The following SEMA6A variants were observed in gnomAD, a reference collection of about 807,000 sequenced individuals.
The protein encoded by SEMA6A is semaphorin 6A, also known as semaphorin-6A.
SEMA6A carries 25 observed loss-of-function variants against 96.8 expected under a neutral mutation model. The observed-to-expected ratio is 0.26, with a 90% CI of 0.19 to 0.36. The LOEUF (loss-of-function observed/expected upper bound fraction) is 0.36, where lower values mean the gene tolerates loss of function less well. Ranked by LOEUF, SEMA6A falls within the 10% of genes least tolerant of loss-of-function variation. The pLI is 1.00. For synonymous variants in SEMA6A, 612 were observed against 518.0 expected (o/e 1.18, Z -2.46); for missense variants, 1,363 against 1,323.1 (o/e 1.03, Z -0.47).
At position 116,562,554 on chromosome 5, in the gene SEMA6A, G is replaced by A. The variant is rs115619618; in HGVS notation, c.-39+11631C>T. On this transcript the variant is annotated intron_variant, in intron 1 of 18. Coordinates refer to ENST00000343348, the MANE Select transcript of SEMA6A (RefSeq NM_020796.5). ...TTCCGGTGTGGAGTCTGGAGACAAC[G>A]TGCAGAAATGGCACCTCGAAAGGGG... 5.5e-3 allele frequency: 3,177 copies of A among 579,052 alleles called. 75 individuals are homozygous for A. The highest frequency in any genetic ancestry group is 0.049 in the African/African-American group (2,597 of 53,072). 35.9% of individuals were successfully genotyped at this position (579,052 alleles called of 1,614,324 possible). A position where few individuals can be genotyped will look rare whatever the true frequency, so the allele number is the denominator to read the frequency against.
chr5:116,451,026 T>C (rs1279928093), intron 18 of SEMA6A, among the ~76,000 whole-genome samples: 1 of 152,164 alleles, frequency 6.6e-6, no homozygotes, highest in Non-Finnish European at 1.5e-5. Context: ...GTAGTGGTGA[T>C]AAAAGCAGCT....
At chr5:116,480,497 C>A (rs1425299696) in intron 11 of SEMA6A, among the ~76,000 whole-genome samples, 2 of 152,196 alleles carry the variant, frequency 1.3e-5, no homozygotes, top group Admixed American at 6.5e-5. Context: ...CACAGTTCAG[C>A]CTCAGCTGGG....
At chr5:116,516,156 A>G (rs1758657831) in intron 1 of SEMA6A, among the ~76,000 whole-genome samples, 3 of 152,134 alleles carry the variant, frequency 2.0e-5, no homozygotes, top group South Asian at 2.1e-4. Context: ...TAGAGTTTCT[A>G]TTTGATTACA....
Position 116,447,121 on chromosome 5 carries a change from T to C in SEMA6A, c.2585A>G (p.Lys862Arg), listed in dbSNP as rs887372093. The stretch of plus-strand genomic sequence containing the variant: ...AAGGTTCACCCCATGGTTGGGACTC[T>C]TGCTGCTGAGATGTTCCTTGATGGT... ...YKTIKEHLSS[K>R]SPNHGVNLVE... The change falls in exon 19 of 19, where the codon AAG (lysine) becomes AGG (arginine). Residue 862 changes from lysine (K) to arginine (R), a missense_variant. By Grantham distance (26) the Lys-to-Arg change is conservative (BLOSUM62 2). This residue lies in a region of SEMA6A where 883 missense variants were observed against 763.6 expected (regional missense o/e 1.16). Transcript: ENST00000343348. 6.8e-6 allele frequency: 11 copies of C among 1,613,872 alleles called. No homozygotes were observed. The highest frequency in any genetic ancestry group is 8.5e-6 in the Non-Finnish European group (10 of 1,179,886).
chr5:116,477,361 C>G (rs1420502688), intron 15 of SEMA6A, among the ~76,000 whole-genome samples: 2 of 152,152 alleles, frequency 1.3e-5, no homozygotes, highest in Non-Finnish European at 2.9e-5. Context: ...TGTTCTTCAG[C>G]GCAGGAAAAG....
intron 1 of SEMA6A, chr5:116,536,350 G>C (rs916645546): frequency 6.6e-6 from 1 of 152,084 alleles, no homozygotes; most frequent in Admixed American, 6.5e-5. Context: ...TGCTTGGCTG[G>C]TTTTAAATAG....
intron 1 of SEMA6A, chr5:116,554,814 G>C (rs981380006): frequency 1.3e-5 from 2 of 152,024 alleles, no homozygotes; most frequent in African/African-American, 4.8e-5. Flanking sequence ...TCCCCAACAG[G>C]GCCTCCTCCC....
chr5:116,477,951 C>G (rs1756544525), intron 14 of SEMA6A, 25 bp from the exon 15 acceptor site: 1 of 1,613,774 alleles, frequency 6.2e-7, no homozygotes, highest in African/African-American at 1.3e-5. Flanking sequence ...TGACCATGAG[C>G]TACCTAGGAC....
chr5:116,467,452 G>T, intron 18 of SEMA6A, 131 bp downstream of exon 18: 2 of 871,798 alleles, frequency 2.3e-6, no homozygotes, highest in Non-Finnish European at 3.4e-6. Context: ...AGTCTTTTTC[G>T]AGAAACTTTC....
chr5:116,516,149 A>G (rs1465969740), intron 1 of SEMA6A, among the ~76,000 whole-genome samples: 1 of 152,118 alleles, frequency 6.6e-6, no homozygotes, highest in Non-Finnish European at 1.5e-5. Context: ...CCAAAAATAG[A>G]GTTTCTATTT....
intron 9 of SEMA6A, 98 bp from the exon 10 acceptor site, chr5:116,487,064 A>C (rs1757085023): frequency 1.2e-6 from 1 of 817,232 alleles, no homozygotes; most frequent in Non-Finnish European, 2.0e-6. Flanking sequence ...CAAAACAACA[A>C]GGTGCTTAAT....
chr5:116,473,704 A>G (rs565765582), intron 16 of SEMA6A, among the ~76,000 whole-genome samples: 25 of 152,234 alleles, frequency 1.6e-4, no homozygotes, highest in African/African-American at 5.8e-4. Flanking sequence ...AAATCCTGTT[A>G]ATTTTGTACC....
chr5:116,447,353 T>G lies in SEMA6A; in HGVS notation c.2353A>C (p.Asn785His). 1 of 1,613,926 alleles carries G rather than the reference T, an allele frequency of 6.2e-7. No individual in the cohort carries two copies. Among genetic ancestry groups the G allele is most frequent in the Non-Finnish European group, 8.5e-7 (1 of 1,179,882 alleles). Residue 785 changes from asparagine to histidine, a missense_variant, in exon 19 of 19, where the codon AAT becomes CAT. This residue lies in a region of SEMA6A where 883 missense variants were observed against 763.6 expected (regional missense o/e 1.16). Coordinates refer to ENST00000343348, the MANE Select transcript of SEMA6A (RefSeq NM_020796.5). ...REWERNQNLI[N>H]ACTKDMPPMG... ...GGGGGCATGTCCTTTGTGCAGGCAT[T>G]GATGAGGTTCTGGTTCCTCTCCCAC... is the stretch of plus-strand genomic sequence containing the variant.
chr5:116,542,337 A>T (rs556885706), intron 1 of SEMA6A, among the ~76,000 whole-genome samples: 1 of 152,334 alleles, frequency 6.6e-6, no homozygotes, highest in South Asian at 2.1e-4. Flanking sequence ...TTTAAAGGAC[A>T]TTCAGCATTA....
Position 116,486,964 on chromosome 5 carries a change from T to A in SEMA6A, c.747A>T (p.Val249=). The A allele has an allele frequency of 6.2e-7, 1 of 1,611,494 alleles. No individual in the cohort carries two copies. Among genetic ancestry groups the A allele is most frequent in the Non-Finnish European group, 8.5e-7 (1 of 1,177,828 alleles). The change falls in exon 10 of 19, where the codon GTA becomes GTT. Residue 249 remains valine (V), a splice_region_variant and synonymous_variant. Transcript: ENST00000343348. Reference sequence around the variant, plus strand: ...AAACCTGAGCCACTCTTGGGAAAACTACCTGCAGAGGAAAAACACATAGGG... The same window carrying A: ...AAACCTGAGCCACTCTTGGGAAAACAACCTGCAGAGGAAAAACACATAGGG... ...IAVEYNTMGK[V]VFPRVAQVCK...
At chr5:116,561,794 C>G (rs933832525) in intron 1 of SEMA6A, among the ~76,000 whole-genome samples, 5 of 152,060 alleles carry the variant, frequency 3.3e-5, no homozygotes, top group Non-Finnish European at 7.4e-5. Context: ...TTTGACACAA[C>G]AAAATATGAA....
At chr5:116,557,412 A>G (rs1157970208) in intron 1 of SEMA6A, among the ~76,000 whole-genome samples, 1 of 152,164 alleles carries the variant, frequency 6.6e-6, no homozygotes, top group African/African-American at 2.4e-5. Flanking sequence ...GGGTTTTGCC[A>G]TGTTGCCCAG....
chr5:116,447,099 G>C lies in SEMA6A; in HGVS notation c.2607C>G (p.Asn869Lys), dbSNP rs199819147. The C allele has an allele frequency of 3.7e-6, 6 of 1,613,956 alleles. No homozygotes were observed. The highest frequency in any genetic ancestry group is 5.1e-6 in the Non-Finnish European group (6 of 1,179,876). The change falls in exon 19 of 19, where the codon AAC becomes AAG. Residue 869 changes from asparagine to lysine, a missense_variant. Physicochemically the swap from Asn to Lys is moderately conservative, Grantham distance 94 (BLOSUM62 0). Coordinates refer to ENST00000343348, the MANE Select transcript of SEMA6A (RefSeq NM_020796.5). ...LSSKSPNHGV[N>K]LVENLDSLPP... ...GCAGGCTGTCCAGGTTCTCCACAAG[G>C]TTCACCCCATGGTTGGGACTCTTGC...
intron 18 of SEMA6A, among the ~76,000 whole-genome samples, chr5:116,455,821 G>C (rs760299501): frequency 1.3e-5 from 2 of 152,168 alleles, no homozygotes; most frequent in Admixed American, 1.3e-4. Context: ...ACCTGGGTTT[G>C]CGTGTTGGCT....
Sources: gnomAD v4.1 joint callset for allele counts (sites outside exome capture counted in the v4.1 genomes callset) on GRCh38, gnomAD v4.1.1 for gene constraint, gnomAD v4.1.1 regional missense constraint, MANE v1.5 for transcripts, NCBI Gene and HGNC (gene_info 2026-07-23, HGNC 2026-07-21) for gene names.